The following RARB variants were observed in gnomAD, a reference collection of about 807,000 sequenced individuals.
RARB encodes HBV-activated protein.
RARB carries 17 observed loss-of-function variants against 51.9 expected under a neutral mutation model. That is an observed-to-expected ratio of 0.33 (90% CI 0.22 to 0.49). RARB has a LOEUF of 0.49. RARB is among the 20% of genes least tolerant of loss of function. The pLI is 0.99. For synonymous variants in RARB, 215 were observed against 195.4 expected, an observed-to-expected ratio of 1.10 and a Z score of -0.84; for missense variants, 369 against 550.8, an observed-to-expected ratio of 0.67 and a Z score of 3.30.
At position 24,858,454 on chromosome 3, in the gene RARB, T is replaced by G. The variant is rs568053574; in HGVS notation, c.-458-220T>G. Among the ~76,000 whole-genome samples, 5 of 152,298 alleles carry G rather than the reference T, an allele frequency of 3.3e-5. No homozygotes were observed. The South Asian group carries it at 1.0e-3, about 32-fold the overall frequency. On this transcript the variant is annotated intron_variant, in intron 1 of 11. Transcript: ENST00000383772. ...AAGATGGCTGTACCCTATCGTGTGA[T>G]TCCCTCCTTGTGAACGGGTACAGCT...
rs1057274216 is a variant in RARB, at chr3:24,944,569, A to G, written c.-380+85817A>G. 2.6e-5 allele frequency among the ~76,000 whole-genome samples: 4 copies of G among 152,182 alleles called. No individual in the cohort carries two copies. In the East Asian group the frequency reaches 7.7e-4, roughly 29 times the overall value. ...AATAGAGCTAGAATTTAAACCTACA[A>G]ATGCCTGACCCTGTGCCTGTCATTC... On this transcript the variant is annotated intron_variant, in intron 2 of 11. Transcript: ENST00000383772.
intron 5 of RARB, among the ~76,000 whole-genome samples, chr3:25,302,745 AT>A (rs1324859736): frequency 6.6e-6 from 1 of 152,208 alleles, no homozygotes; most frequent in Non-Finnish European, 1.5e-5. Context: ...GAAAGGGTGA[AT>A]TTTATGTTAT....
At chr3:25,152,942 A>G (rs532194610) in intron 4 of RARB, among the ~76,000 whole-genome samples, 1 of 152,224 alleles carries the variant, frequency 6.6e-6, no homozygotes, top group Non-Finnish European at 1.5e-5. Context: ...GTTTGATACA[A>G]ACTTCTTCTA....
chr3:24,919,952 G>C (rs1028523723), intron 2 of RARB, among the ~76,000 whole-genome samples: 6 of 152,040 alleles, frequency 3.9e-5, no homozygotes, highest in Non-Finnish European at 5.9e-5. Context: ...AAAATACGTG[G>C]GTTTTAACAT....
intron 1 of RARB, among the ~76,000 whole-genome samples, chr3:24,844,153 CTT>C (rs1471923166): frequency 6.6e-6 from 1 of 152,188 alleles, no homozygotes; most frequent in Non-Finnish European, 1.5e-5. Flanking sequence ...TGCTTGAGGT[CTT>C]TGCCAGGAGG....
intron 3 of RARB, among the ~76,000 whole-genome samples, chr3:25,506,192 G>A (rs1697582624): frequency 7.3e-6 from 1 of 137,822 alleles, no homozygotes; most frequent in South Asian, 2.3e-4. Flanking sequence ...GGCGGAGGTT[G>A]CAATAAGCCG....
chr3:24,862,900 C>A (rs1173379758), intron 2 of RARB, among the ~76,000 whole-genome samples: 1 of 152,142 alleles, frequency 6.6e-6, no homozygotes. Flanking sequence ...GTTACATAGA[C>A]TCACAGAGGC....
chr3:24,922,384 G>A (rs1695234154), intron 2 of RARB, among the ~76,000 whole-genome samples: 1 of 152,170 alleles, frequency 6.6e-6, no homozygotes. Flanking sequence ...AATAATGAAA[G>A]CTAATGTGTA....
At chr3:25,459,399 G>T (rs1695061592) in intron 1 of RARB, among the ~76,000 whole-genome samples, 1 of 152,200 alleles carries the variant, frequency 6.6e-6, no homozygotes, top group Non-Finnish European at 1.5e-5. Context: ...AGGAAATGAT[G>T]CTGCTAAAAT....
intron 1 of RARB, among the ~76,000 whole-genome samples, chr3:25,440,174 T>C (rs1708602443): frequency 6.6e-6 from 1 of 152,134 alleles, no homozygotes; most frequent in East Asian, 1.9e-4. Flanking sequence ...GTTTTAGGCT[T>C]GCATGGCGAC....
chr3:25,370,631 A>G (rs1007234895), intron 5 of RARB, among the ~76,000 whole-genome samples: 7 of 152,188 alleles, frequency 4.6e-5, no homozygotes, highest in African/African-American at 1.4e-4. Context: ...ATGGTGTGGC[A>G]TGTGGGAAGT....
chr3:25,095,879 T>A (rs1430245702), intron 3 of RARB, among the ~76,000 whole-genome samples: 2 of 152,196 alleles, frequency 1.3e-5, no homozygotes, highest in Non-Finnish European at 2.9e-5. Flanking sequence ...TGCCACCTTT[T>A]GTTTTCTCCT....
At chr3:25,555,996 G>T (rs1700041719) in intron 3 of RARB, among the ~76,000 whole-genome samples, 2 of 136,606 alleles carry the variant, frequency 1.5e-5, no homozygotes, top group Admixed American at 1.6e-4. Flanking sequence ...GTTGTTTCTT[G>T]GACATCTTGT....
At chr3:25,326,957 T>C (rs1278800855) in intron 5 of RARB, among the ~76,000 whole-genome samples, 1 of 152,136 alleles carries the variant, frequency 6.6e-6, no homozygotes, top group Non-Finnish European at 1.5e-5. Context: ...TCATTTAACA[T>C]TAGGTATATC....
chr3:24,839,989 C>T (rs1050290174), intron 1 of RARB, among the ~76,000 whole-genome samples: 4 of 152,110 alleles, frequency 2.6e-5, no homozygotes, highest in Non-Finnish European at 5.9e-5. Context: ...GAGAGCACAG[C>T]TCTATGACTC....
intron 2 of RARB, among the ~76,000 whole-genome samples, chr3:24,928,259 G>C (rs1331794428): frequency 6.6e-6 from 1 of 151,884 alleles, no homozygotes; most frequent in African/African-American, 2.4e-5. Flanking sequence ...AGTATCTCTG[G>C]TCTTGGTGGA....
At chr3:25,087,061 T>A (rs1198640543) in intron 3 of RARB, among the ~76,000 whole-genome samples, 1 of 152,136 alleles carries the variant, frequency 6.6e-6, no homozygotes, top group African/African-American at 2.4e-5. Flanking sequence ...GAAATGCATT[T>A]TGGGGTAATA....
At chr3:25,329,465 CTA>C (rs1704826481) in intron 5 of RARB, among the ~76,000 whole-genome samples, 2 of 152,144 alleles carry the variant, frequency 1.3e-5, no homozygotes. Flanking sequence ...AGAAGGAAAA[CTA>C]ATAAACAGAA....
At chr3:25,342,138 C>T (rs899409164) in intron 5 of RARB, among the ~76,000 whole-genome samples, 2 of 152,134 alleles carry the variant, frequency 1.3e-5, no homozygotes, top group Non-Finnish European at 2.9e-5. Context: ...AAAAGAGATA[C>T]TCAAGTTGTT....
Sources: allele counts gnomAD v4.1 joint callset (sites outside exome capture counted in the v4.1 genomes callset), GRCh38; gene constraint gnomAD v4.1.1; transcripts MANE v1.5; gene names NCBI Gene and HGNC (gene_info 2026-07-23, HGNC 2026-07-21).